The following CYRIB variants were observed in gnomAD, a reference collection of about 807,000 sequenced individuals.
CYRIB encodes the protein CYFIP-related Rac1 interactor B.
In CYRIB, 8 loss-of-function variants were observed where a neutral mutation model predicts 44.2. The observed-to-expected ratio is 0.18, with a 90% CI of 0.11 to 0.33. The LOEUF (loss-of-function observed/expected upper bound fraction) is 0.33. Ranked by LOEUF, CYRIB falls within the 10% of genes least tolerant of loss-of-function variation. The pLI is 1.00. For synonymous variants in CYRIB, 131 were observed against 127.2 expected (o/e 1.03, Z -0.20); for missense variants, 185 against 382.8 (o/e 0.48, Z 4.31).
intron 1 of CYRIB, among the ~76,000 whole-genome samples, chr8:129,926,779 G>A (rs892672079): frequency 3.9e-5 from 6 of 152,136 alleles, no homozygotes; most frequent in Non-Finnish European, 5.9e-5. Context: ...TTGCAGTGGG[G>A]ATCAGTCCTC....
chr8:129,955,989 T>C (rs1035329835), intron 2 of CYRIB, among the ~76,000 whole-genome samples: 2 of 152,212 alleles, frequency 1.3e-5, no homozygotes, highest in African/African-American at 4.8e-5. Flanking sequence ...ATGACCACAA[T>C]GGTCCCTCTG....
chr8:129,961,164 A>G (rs2095241536), intron 2 of CYRIB, among the ~76,000 whole-genome samples: 1 of 152,124 alleles, frequency 6.6e-6, no homozygotes, highest in Non-Finnish European at 1.5e-5. Flanking sequence ...AAATGGAGAC[A>G]ATAATACCTA....
intron 2 of CYRIB, among the ~76,000 whole-genome samples, chr8:129,945,543 C>T (rs2131071727): frequency 6.6e-6 from 1 of 152,152 alleles, no homozygotes; most frequent in Non-Finnish European, 1.5e-5. Context: ...CACCACTGTA[C>T]CTTGAGTTTC....
At chr8:129,881,788 G>A (rs1368480637) in intron 2 of CYRIB, among the ~76,000 whole-genome samples, 1 of 152,116 alleles carries the variant, frequency 6.6e-6, no homozygotes, top group Non-Finnish European at 1.5e-5. Context: ...TTACACAAGT[G>A]GATTAGGTGA....
chr8:129,935,890 T>C (rs531494487), intron 1 of CYRIB, among the ~76,000 whole-genome samples: 1 of 152,322 alleles, frequency 6.6e-6, no homozygotes, highest in African/African-American at 2.4e-5. Flanking sequence ...TATCGAGATG[T>C]GAAGGTGTGT....
At chr8:129,885,765 C>A (rs2062509806) in intron 2 of CYRIB, among the ~76,000 whole-genome samples, 1 of 152,060 alleles carries the variant, frequency 6.6e-6, no homozygotes. Context: ...TTTGCTACCT[C>A]ACTCAATCTC....
At chr8:129,988,088 G>GCTGAGGCCTAAAATGGCGTCAGCCC (rs879474008) in intron 1 of CYRIB, among the ~76,000 whole-genome samples, 19 of 152,204 alleles carry the variant, frequency 1.2e-4, no homozygotes, top group Non-Finnish European at 2.4e-4. Flanking sequence ...ATGCAGGCGG[G>GCTGAGGCCTAAAATGGCGTCAGCCC]CTGAGGCCTA....
rs534919488 is a variant in CYRIB, at chr8:129,986,331, C to T, written c.-295-15336G>A. Among the ~76,000 whole-genome samples, 5 of 152,308 alleles carry T rather than the reference C, an allele frequency of 3.3e-5. No homozygotes were observed. The East Asian group carries it at 5.8e-4, about 18-fold the overall frequency. On this transcript the variant is annotated intron_variant, in intron 1 of 14. Transcript: ENST00000401979. Reference sequence around the variant, plus strand: ...CCCCAGAACTGCCCACACCTCCCTCCTCTAGGCCACTCACTCTATCCCAGT... The same window carrying T: ...CCCCAGAACTGCCCACACCTCCCTCTTCTAGGCCACTCACTCTATCCCAGT...
At chr8:129,875,334 C>A (rs1326519063) in intron 3 of CYRIB, among the ~76,000 whole-genome samples, 1 of 151,590 alleles carries the variant, frequency 6.6e-6, no homozygotes, top group Non-Finnish European at 1.5e-5. Flanking sequence ...GAGCAAATCA[C>A]AGCTCACTGC....
rs753735139 is a variant in CYRIB, at chr8:129,997,052, AGGAGGGAGGGAG to A, written c.-296+19306_-296+19317del. On this transcript the variant is annotated intron_variant, in intron 1 of 14. Transcript: ENST00000401979. The stretch of plus-strand genomic sequence containing the variant: ...TATGCCTTTGTGAAGGAAGGAAGGA[AGGAGGGAGGGAG>A]GGAGGGAGGGAGGGAGGGAGGGAAG... Among the ~76,000 whole-genome samples the A allele has an allele frequency of 2.7e-3, 265 of 97,042 alleles. 1 individual carries two copies. The highest frequency in any genetic ancestry group is 2.7e-3 in the Non-Finnish European group (146 of 53,504). The allele number at this position is 97,042 out of a possible 152,430, so 63.7% of individuals were successfully genotyped here. A position where few individuals can be genotyped will look rare whatever the true frequency, so the allele number is the denominator to read the frequency against.
chr8:129,899,442 AATGCAGT>A lies in CYRIB; in HGVS notation c.-11+3863_-11+3869del, dbSNP rs577942985. The stretch of plus-strand genomic sequence containing the variant: ...AATGTTGAGATCATTATTAGGACCA[AATGCAGT>A]ATGTGCATATCATATAAATTTTTTT... On this transcript the variant is annotated intron_variant, in intron 2 of 11. Coordinates refer to ENST00000519824, the Ensembl canonical transcript of CYRIB. 1.3e-3 allele frequency among the ~76,000 whole-genome samples: 200 copies of A among 152,328 alleles called. 2 individuals are homozygous for A. The highest frequency in any genetic ancestry group is 4.6e-3 in the African/African-American group (191 of 41,588).
chr8:129,871,253 A>G (rs974974924), intron 4 of CYRIB, 122 bp downstream of exon 6: 46 of 1,140,090 alleles, frequency 4.0e-5, no homozygotes, highest in Non-Finnish European at 5.3e-5. Flanking sequence ...ATGCCAAGTG[A>G]GCATCCTTCA....
intron 2 of CYRIB, among the ~76,000 whole-genome samples, chr8:129,969,776 TG>T (rs1478829002): frequency 6.6e-6 from 1 of 152,180 alleles, no homozygotes; most frequent in African/African-American, 2.4e-5. Context: ...ACATATTTGG[TG>T]GCACAAGATG....
intron 1 of CYRIB, among the ~76,000 whole-genome samples, chr8:129,918,995 G>C (rs951281360): frequency 1.3e-5 from 2 of 152,078 alleles, no homozygotes; most frequent in African/African-American, 4.8e-5. Flanking sequence ...TCTAAGGTGT[G>C]TCCACCACCG....
chr8:129,982,259 A>G (rs1184928360), intron 1 of CYRIB, among the ~76,000 whole-genome samples: 2 of 152,216 alleles, frequency 1.3e-5, no homozygotes, highest in Non-Finnish European at 2.9e-5. Flanking sequence ...CCTCCAGCTC[A>G]GCCCTGTCCA....
At chr8:129,926,024 G>C (rs564953214) in intron 1 of CYRIB, among the ~76,000 whole-genome samples, 1 of 152,138 alleles carries the variant, frequency 6.6e-6, no homozygotes, top group African/African-American at 2.4e-5. Flanking sequence ...TAGAAGTCAC[G>C]ATCCATTTTC....
At chr8:130,014,031 C>T (rs987555352) in intron 1 of CYRIB, among the ~76,000 whole-genome samples, 12 of 152,146 alleles carry the variant, frequency 7.9e-5, no homozygotes, top group African/African-American at 2.9e-4. Context: ...CTCAATCTGC[C>T]CCTTCCTGAC....
chr8:130,012,673 G>A lies in CYRIB; in HGVS notation c.-296+3697C>T, dbSNP rs116972438. The stretch of plus-strand genomic sequence containing the variant: ...AAGAGAAAGGAAGTATCTTGGCCAA[G>A]GGCACAGAGCTAGTGAGTGGCAGAG... On this transcript the variant is annotated intron_variant, in intron 1 of 14. Coordinates refer to the CYRIB transcript ENST00000401979. Among the ~76,000 whole-genome samples, 536 of 152,290 alleles carry A rather than the reference G, an allele frequency of 3.5e-3. 3 individuals are homozygous for A. Among genetic ancestry groups the A allele is most frequent in the Admixed American group, 6.9e-3 (106 of 15,292 alleles).
At chr8:129,858,518 C>A (rs1037993500) in intron 5 of CYRIB, among the ~76,000 whole-genome samples, 1 of 152,136 alleles carries the variant, frequency 6.6e-6, no homozygotes, top group African/African-American at 2.4e-5. Context: ...GGGAGAGTTT[C>A]CCTATAGAGA....
Sources: gnomAD v4.1 joint callset for allele counts (sites outside exome capture counted in the v4.1 genomes callset) on GRCh38, gnomAD v4.1.1 for gene constraint, MANE v1.5 for transcripts, NCBI Gene and HGNC (gene_info 2026-07-23, HGNC 2026-07-21) for gene names.